The following ASTN2 variants were observed in gnomAD, a reference collection of about 807,000 sequenced individuals.
ASTN2 encodes astrotactin 2, also known as astrotactin-2.
Under a neutral mutation model 139.8 loss-of-function variants are expected in ASTN2, and 54 were observed. That is an observed-to-expected ratio of 0.39 (90% CI 0.31 to 0.48). The LOEUF (loss-of-function observed/expected upper bound fraction) is 0.48. Among genes scored for constraint, ASTN2 ranks in the 20% least tolerant of loss-of-function variants. ASTN2 has a pLI of 0.95. For synonymous variants in ASTN2, 756 were observed against 719.5 expected, an observed-to-expected ratio of 1.05 and a Z score of -0.81; for missense variants, 1,565 against 1,725.1, an observed-to-expected ratio of 0.91 and a Z score of 1.64.
At chr9:116,479,099 G>A (rs1564305523) in intron 20 of ASTN2, among the ~76,000 whole-genome samples, 3 of 149,084 alleles carry the variant, frequency 2.0e-5, no homozygotes, top group South Asian at 2.1e-4. Flanking sequence ...ATGGAGAAAC[G>A]AAGACCTCCA....
chr9:117,380,436 C>A (rs1564175553), intron 1 of ASTN2, among the ~76,000 whole-genome samples: 1 of 151,904 alleles, frequency 6.6e-6, no homozygotes, highest in African/African-American at 2.4e-5. Context: ...GAAACCCTGT[C>A]TCTACTAAAA....
chr9:116,929,441 A>C lies in ASTN2; in HGVS notation c.1889+45767T>G, dbSNP rs896767182. ...GTCAATTCTGCAGGAAGTGAACCCT[A>C]AGGAGAGGCACTGAGACTTTTTTTG... On this transcript the variant is annotated intron_variant, in intron 10 of 22. Coordinates refer to ENST00000313400, the MANE Select transcript of ASTN2 (RefSeq NM_001365068.1). Among the ~76,000 whole-genome samples, 7 of 152,276 alleles carry C rather than the reference A, an allele frequency of 4.6e-5. No individual in the cohort carries two copies. In the East Asian group the frequency reaches 1.4e-3, roughly 29 times the overall value.
intron 13 of ASTN2, among the ~76,000 whole-genome samples, chr9:116,747,891 C>T (rs1267858658): frequency 6.6e-6 from 1 of 152,150 alleles, no homozygotes. Context: ...AATTGCGATC[C>T]CTGAAATTGA....
intron 10 of ASTN2, among the ~76,000 whole-genome samples, chr9:116,944,531 A>G (rs890528158): frequency 6.6e-6 from 1 of 151,730 alleles, no homozygotes. Flanking sequence ...AAATACAAAA[A>G]TTGGCTGGGC....
At chr9:116,921,559 G>T (rs1363088701) in intron 10 of ASTN2, among the ~76,000 whole-genome samples, 1 of 139,198 alleles carries the variant, frequency 7.2e-6, no homozygotes, top group Non-Finnish European at 1.5e-5. Context: ...CTGTACTCCA[G>T]CCTGGGCGAC....
chr9:117,361,970 TTGTTTG>T, intron 1 of ASTN2, among the ~76,000 whole-genome samples: 1 of 96,746 alleles, frequency 1.0e-5, no homozygotes, highest in East Asian at 5.0e-4. Flanking sequence ...TTGGTTTTGT[TTGTTTG>T]TTTTGTTTTG....
intron 19 of ASTN2, among the ~76,000 whole-genome samples, chr9:116,514,066 G>A (rs1461703333): frequency 1.6e-4 from 24 of 151,764 alleles, no homozygotes; most frequent in Non-Finnish European, 1.6e-4. Flanking sequence ...TTTGGAGGTG[G>A]AGAGGTGCTC....
Position 116,806,915 on chromosome 9 carries a change from GAAGA to G in ASTN2, c.2208-1099_2208-1096del, listed in dbSNP as rs1269817136. 4.6e-5 allele frequency among the ~76,000 whole-genome samples: 7 copies of G among 152,228 alleles called. No individual in the cohort carries two copies. In the East Asian group the frequency reaches 9.6e-4, roughly 21 times the overall value. ...CTTTATGTATTTATTATCTAACCATGAAGAAAGAAAGAGTAATATCATAATTTCT... is the reference window on the plus strand; with the variant it reads ...CTTTATGTATTTATTATCTAACCATGAAGAAAGAGTAATATCATAATTTCT... On this transcript the variant is annotated intron_variant, in intron 12 of 22. Transcript: ENST00000313400.
chr9:117,071,213 T>G (rs1828112716), intron 5 of ASTN2, among the ~76,000 whole-genome samples: 1 of 151,752 alleles, frequency 6.6e-6, no homozygotes, highest in African/African-American at 2.4e-5. Context: ...TTCTGTTTGT[T>G]AGTTTTCCTT....
chr9:116,579,202 A>G (rs113888396), intron 19 of ASTN2: 3 of 152,310 alleles, frequency 2.0e-5, no homozygotes, highest in African/African-American at 7.2e-5. Flanking sequence ...GGGGCAATCA[A>G]TGCCTGGAAA....
chr9:116,887,039 CTGA>C (rs761666174), intron 10 of ASTN2, among the ~76,000 whole-genome samples: 1 of 152,092 alleles, frequency 6.6e-6, no homozygotes, highest in Non-Finnish European at 1.5e-5. Context: ...AGCACAGTGT[CTGA>C]TGTGAAACAA....
chr9:116,778,385 T>C (rs1830136725), intron 13 of ASTN2, among the ~76,000 whole-genome samples: 2 of 96,248 alleles, frequency 2.1e-5, no homozygotes, highest in Admixed American at 2.7e-4. Flanking sequence ...AGCTTTACAA[T>C]TAGGGGATTT....
At chr9:117,161,627 C>A (rs986882760) in intron 3 of ASTN2, among the ~76,000 whole-genome samples, 7 of 152,066 alleles carry the variant, frequency 4.6e-5, no homozygotes, top group Non-Finnish European at 7.4e-5. Context: ...TTCCTGACTT[C>A]AAGTGATCTG....
At chr9:116,791,124 G>A (rs987494160) in intron 13 of ASTN2, among the ~76,000 whole-genome samples, 1 of 152,112 alleles carries the variant, frequency 6.6e-6, no homozygotes, top group African/African-American at 2.4e-5. Flanking sequence ...CAAAGTGCTG[G>A]GATTACAGGC....
chr9:117,144,660 GTTTTTTTTTTTTTTTTTTTTTT>G (rs71379267), intron 3 of ASTN2, among the ~76,000 whole-genome samples: 804 of 78,342 alleles, frequency 0.01, 28 homozygotes, highest in African/African-American at 0.044. Context: ...GTGAACACTA[GTTTTTTTTTTTTTTTTTTTTTT>G]TTTTTTTTTT....
chr9:116,448,050 G>A (rs1449951310), intron 20 of ASTN2, among the ~76,000 whole-genome samples: 1 of 152,216 alleles, frequency 6.6e-6, no homozygotes, highest in Non-Finnish European at 1.5e-5. Context: ...GCCCACGTCA[G>A]GCCTGGGTCC....
intron 19 of ASTN2, among the ~76,000 whole-genome samples, chr9:116,510,754 C>T (rs981133179): frequency 1.3e-5 from 2 of 151,876 alleles, no homozygotes; most frequent in East Asian, 1.9e-4. Flanking sequence ...ATTTTATTCT[C>T]TTTGAAGCAA....
intron 6 of ASTN2, among the ~76,000 whole-genome samples, chr9:117,037,855 A>G (rs1269591972): frequency 6.6e-6 from 1 of 152,004 alleles, no homozygotes; most frequent in East Asian, 1.9e-4. Context: ...TAGCTGCGTA[A>G]TCCATCAAAC....
chr9:117,120,006 G>GTATATATA (rs1247910636), intron 4 of ASTN2, among the ~76,000 whole-genome samples: 3 of 44,550 alleles, frequency 6.7e-5, no homozygotes, highest in East Asian at 9.0e-4. Context: ...GTGTGTGTGT[G>GTATATATA]TGTGTGTGTG....
Sources: allele counts gnomAD v4.1 joint callset (sites outside exome capture counted in the v4.1 genomes callset), GRCh38; gene constraint gnomAD v4.1.1; transcripts MANE v1.5; gene names NCBI Gene and HGNC (gene_info 2026-07-23, HGNC 2026-07-21).